Variants in NCAM2 observed in about 807,000 individuals in gnomAD.
NCAM2 encodes neural cell adhesion molecule 2.
In NCAM2, 30 loss-of-function variants were observed where a neutral mutation model predicts 98.1. The ratio of observed to expected loss-of-function variants is 0.31; its 90% CI spans 0.23 to 0.41. The LOEUF is 0.41. Ranked by LOEUF, NCAM2 falls within the 10% of genes least tolerant of loss-of-function variation. The probability of loss-of-function intolerance (pLI) is 1.00; values close to 1 mark genes in which losing one functional copy is unlikely to be tolerated. For synonymous variants in NCAM2, 368 were observed against 342.4 expected, an observed-to-expected ratio of 1.07 and a Z score of -0.83; for missense variants, 867 against 1,005.8, an observed-to-expected ratio of 0.86 and a Z score of 1.87.
At chr21:21,028,119 T>G (rs1238346379) in intron 1 of NCAM2, among the ~76,000 whole-genome samples, 2 of 152,214 alleles carry the variant, frequency 1.3e-5, no homozygotes, top group Non-Finnish European at 2.9e-5. Context: ...CGCCTCGGCC[T>G]CCCAAACTGC....
chr21:21,336,421 G>A (rs529564511), intron 7 of NCAM2, among the ~76,000 whole-genome samples: 11 of 151,846 alleles, frequency 7.2e-5, no homozygotes, highest in Admixed American at 2.0e-4. Flanking sequence ...GTTGTGGGGT[G>A]GGGGGAGTGG....
At chr21:21,396,473 T>C (rs1328959205) in intron 9 of NCAM2, among the ~76,000 whole-genome samples, 1 of 152,210 alleles carries the variant, frequency 6.6e-6, no homozygotes, top group Non-Finnish European at 1.5e-5. Flanking sequence ...GAAACTTCTG[T>C]GGCTGGTAGT....
intron 1 of NCAM2, among the ~76,000 whole-genome samples, chr21:21,009,885 G>GTGTGTGTGTGTGTT (rs1419236099): frequency 9.0e-6 from 1 of 111,382 alleles, no homozygotes; most frequent in Non-Finnish European, 2.1e-5. Flanking sequence ...TCTGATAGCT[G>GTGTGTGTGTGTGTT]TGTGTGTGTG....
At chr21:21,192,092 G>A (rs546673283) in intron 1 of NCAM2, among the ~76,000 whole-genome samples, 6 of 152,128 alleles carry the variant, frequency 3.9e-5, no homozygotes, top group African/African-American at 7.2e-5. Flanking sequence ...GCATGGTGGC[G>A]CGCTGCTCTA....
chr21:21,316,528 T>G (rs1196130155), intron 5 of NCAM2, among the ~76,000 whole-genome samples: 1 of 134,760 alleles, frequency 7.4e-6, no homozygotes, highest in Non-Finnish European at 1.5e-5. Flanking sequence ...ATTTTATCTT[T>G]TATTCTTTTT....
At chr21:21,144,660 T>G (rs2067236518) in intron 1 of NCAM2, among the ~76,000 whole-genome samples, 1 of 152,126 alleles carries the variant, frequency 6.6e-6, no homozygotes, top group African/African-American at 2.4e-5. Flanking sequence ...TGAATTCCCC[T>G]TGAAATACAA....
At chr21:21,164,487 C>T (rs568648336) in intron 1 of NCAM2, among the ~76,000 whole-genome samples, 2 of 151,982 alleles carry the variant, frequency 1.3e-5, no homozygotes, top group Non-Finnish European at 2.9e-5. Context: ...AACATAACCC[C>T]GAGAGACTAA....
intron 8 of NCAM2, among the ~76,000 whole-genome samples, chr21:21,355,870 A>G (rs2075465604): frequency 6.6e-6 from 1 of 151,998 alleles, no homozygotes; most frequent in African/African-American, 2.4e-5. Context: ...CGGCCTCCCA[A>G]AGTACTGGGA....
intron 16 of NCAM2, among the ~76,000 whole-genome samples, chr21:21,511,422 AT>A (rs1176844540): frequency 6.6e-6 from 1 of 151,810 alleles, no homozygotes; most frequent in Non-Finnish European, 1.5e-5. Context: ...ACTTAACATA[AT>A]TTTCTCCAGT....
At chr21:21,498,592 A>G (rs1157602482) in intron 15 of NCAM2, among the ~76,000 whole-genome samples, 2 of 152,182 alleles carry the variant, frequency 1.3e-5, no homozygotes, top group African/African-American at 4.8e-5. Flanking sequence ...GTTGCCAATA[A>G]GTGCATTTTG....
intron 1 of NCAM2, among the ~76,000 whole-genome samples, chr21:21,183,295 C>T (rs1170344490): frequency 6.6e-6 from 1 of 152,050 alleles, no homozygotes; most frequent in African/African-American, 2.4e-5. Context: ...AATTAAAATG[C>T]TTGTGGTTTG....
At chr21:21,147,480 A>T (rs963185968) in intron 1 of NCAM2, among the ~76,000 whole-genome samples, 1 of 151,260 alleles carries the variant, frequency 6.6e-6, no homozygotes, top group Non-Finnish European at 1.5e-5. Context: ...TATACTCATG[A>T]CTCACTGTAG....
At chr21:21,335,444 T>C in intron 6 of NCAM2, 61 bp from the exon 7 acceptor site, 1 of 1,424,610 alleles carries the variant, frequency 7.0e-7, no homozygotes, top group Non-Finnish European at 9.4e-7. Context: ...AAAAAGTTGA[T>C]TAAAATCTAC....
intron 12 of NCAM2, among the ~76,000 whole-genome samples, chr21:21,453,142 TATA>T (rs1569080343): frequency 7.1e-6 from 1 of 140,322 alleles, no homozygotes; most frequent in African/African-American, 2.6e-5. Flanking sequence ...ATAGTTTATA[TATA>T]ATGTTTAATA....
At chr21:21,063,210 C>CTTT (rs11325446) in intron 1 of NCAM2, among the ~76,000 whole-genome samples, 1,417 of 66,136 alleles carry the variant, frequency 0.021, 275 homozygotes, top group African/African-American at 0.027. Flanking sequence ...TCTTTACATT[C>CTTT]TTTTTTTTTT....
chr21:21,441,375 A>C (rs1979242819), intron 12 of NCAM2, among the ~76,000 whole-genome samples: 1 of 152,184 alleles, frequency 6.6e-6, no homozygotes, highest in East Asian at 1.9e-4. Context: ...GATTATCTTC[A>C]TTTATTTTAG....
At position 21,486,355 on chromosome 21, in the gene NCAM2, C is replaced by A. The variant is rs184133207; in HGVS notation, c.2077+8884C>A. Among the ~76,000 whole-genome samples the A allele has an allele frequency of 1.4e-3, 214 of 150,498 alleles. 3 individuals are homozygous for A. The highest frequency in any genetic ancestry group is 1.9e-3 in the Non-Finnish European group (127 of 67,660). On this transcript the variant is annotated intron_variant, in intron 15 of 17. Coordinates refer to ENST00000400546, the MANE Select transcript of NCAM2 (RefSeq NM_004540.5). ...TTCTGCTTCCCTCCTTTCTCCCCTGCTGAGATAAAACGATATCTCAACTCA... is the reference window on the plus strand; with the variant it reads ...TTCTGCTTCCCTCCTTTCTCCCCTGATGAGATAAAACGATATCTCAACTCA...
intron 12 of NCAM2, among the ~76,000 whole-genome samples, chr21:21,440,923 A>AT (rs1427411740): frequency 6.6e-6 from 1 of 152,158 alleles, no homozygotes; most frequent in African/African-American, 2.4e-5. Flanking sequence ...TTAGGTAGAA[A>AT]TATAAGTCAA....
rs1383007263 is a variant in NCAM2 at position 21,408,307 on chromosome 21, G to A, written c.1196-1967G>A. Reference sequence around the variant, plus strand: ...ATGCCGAGCTAATGGAAAGCCATAGGCAAATGTATCTGTGTAATATTTAGC... The same window carrying A: ...ATGCCGAGCTAATGGAAAGCCATAGACAAATGTATCTGTGTAATATTTAGC... On this transcript the variant is annotated intron_variant, in intron 9 of 17. Coordinates refer to ENST00000400546, the MANE Select transcript of NCAM2 (RefSeq NM_004540.5). Among the ~76,000 whole-genome samples, 8 of 152,154 alleles carry A rather than the reference G, an allele frequency of 5.3e-5. No homozygotes were observed. In the East Asian group the frequency reaches 1.3e-3, roughly 26 times the overall value.
Sources: gnomAD v4.1 joint callset for allele counts (sites outside exome capture counted in the v4.1 genomes callset) on GRCh38, gnomAD v4.1.1 for gene constraint, MANE v1.5 for transcripts, NCBI Gene and HGNC (gene_info 2026-07-23, HGNC 2026-07-21) for gene names.